The following VSIG1 variants were observed in gnomAD, a reference collection of about 807,000 sequenced individuals.
VSIG1 encodes V-set and immunoglobulin domain containing 1.
VSIG1 carries 11 observed loss-of-function variants against 20.1 expected under a neutral mutation model. The observed-to-expected ratio is 0.55, with a 90% CI of 0.34 to 0.91. The LOEUF (loss-of-function observed/expected upper bound fraction) is 0.91, where lower values mean the gene tolerates loss of function less well. VSIG1 is among the 40% of genes least tolerant of loss of function. VSIG1 has a pLI of 0.02. For synonymous variants in VSIG1, 126 were observed against 116.7 expected (o/e 1.08, Z -0.52); for missense variants, 283 against 298.8 (o/e 0.95, Z 0.39).
chrX:108,020,503 C>T, the VSIG1 span, among the ~76,000 whole-genome samples: 1 of 111,490 alleles, frequency 9.0e-6, no homozygotes, highest in African/African-American at 3.3e-5. Context: ...GGGTGTGAAT[C>T]ACTGGTTGCT....
Position 108,077,307 on chromosome X carries a change from C to T in VSIG1, c.1090C>T (p.Pro364Ser). 1 of 1,211,849 alleles carries T rather than the reference C, an allele frequency of 8.3e-7. No individual in the cohort carries two copies. The highest frequency in any genetic ancestry group is 3.0e-5 in the East Asian group (1 of 33,841). Residue 364 changes from proline (P) to serine (S), a missense_variant, in exon 7 of 7, where the codon CCA becomes TCA. Physicochemically the swap from Pro to Ser is moderately conservative, Grantham distance 74 (BLOSUM62 -1). Coordinates refer to ENST00000217957, the MANE Select transcript of VSIG1 (RefSeq NM_182607.5). ...TQSELEPEPEPEPESEPGVVV... is the reference protein window; with the variant it reads ...TQSELEPEPESEPESEPGVVV... ...GTCGGAATTGGAGCCAGAGCCAGAG[C>T]CAGAGCCAGAGTCAGAGCCTGGGGT...
upstream of VSIG1, among the ~76,000 whole-genome samples, chrX:108,044,675 A>G (rs780949526): frequency 1.8e-5 from 2 of 111,745 alleles, no homozygotes; most frequent in African/African-American, 6.5e-5. Context: ...GTACCAATTT[A>G]CTAACTTAAT....
chrX:108,071,727 C>A (rs746280610), intron 3 of VSIG1, among the ~76,000 whole-genome samples: 11 of 109,945 alleles, frequency 1.0e-4, no homozygotes, highest in Non-Finnish European at 1.9e-4. Flanking sequence ...GGTGCCTAGT[C>A]CCATGCCAGG....
intron 2 of VSIG1, among the ~76,000 whole-genome samples, chrX:108,064,249 C>T (rs767640252): frequency 8.9e-6 from 1 of 111,998 alleles, no homozygotes; most frequent in African/African-American, 3.2e-5. Flanking sequence ...TTACAGAGAA[C>T]TGTGAAGCCA....
chrX:108,050,409 G>C (rs1232234036), intron 1 of VSIG1, among the ~76,000 whole-genome samples: 1 of 111,821 alleles, frequency 8.9e-6, no homozygotes, highest in Non-Finnish European at 1.9e-5. Flanking sequence ...GGACAGCATA[G>C]AGAGCGTCTC....
At chrX:108,075,738 G>A (rs1046475897) in intron 5 of VSIG1, among the ~76,000 whole-genome samples, 3 of 111,611 alleles carry the variant, frequency 2.7e-5, no homozygotes, top group Middle Eastern at 4.2e-3. Flanking sequence ...TGTGCTCTGG[G>A]AAAGCCTAGT....
At chrX:108,024,407 GT>G in the VSIG1 span, among the ~76,000 whole-genome samples, 3 of 108,550 alleles carry the variant, frequency 2.8e-5, no homozygotes, top group South Asian at 4.0e-4. Flanking sequence ...TCATTTCACT[GT>G]TTTTTTTCTA....
At chrX:108,038,187 C>A in the VSIG1 span, among the ~76,000 whole-genome samples, 2 of 111,233 alleles carry the variant, frequency 1.8e-5, no homozygotes, top group Non-Finnish European at 3.8e-5. Flanking sequence ...CACCTATCAA[C>A]CAGTCATCTA....
chrX:108,075,072 A>G (rs1443415204), intron 5 of VSIG1, among the ~76,000 whole-genome samples: 2 of 112,080 alleles, frequency 1.8e-5, no homozygotes, highest in African/African-American at 6.5e-5. Context: ...TGTGAACAAT[A>G]TTTATATAGC....
Position 108,052,690 on chromosome X carries a change from G to T in VSIG1, c.50-5348G>T, listed in dbSNP as rs189985625. ...AGGTGATGGATATGTTAATTAGCTC[G>T]ATGTAATTATTCCACAGTGTATGCA... On this transcript the variant is annotated intron_variant, in intron 1 of 6. Coordinates refer to ENST00000217957, the MANE Select transcript of VSIG1 (RefSeq NM_182607.5). Among the ~76,000 whole-genome samples the T allele has an allele frequency of 2.7e-5, 3 of 111,516 alleles. No homozygotes were observed. The Admixed American group carries it at 2.9e-4, about 11-fold the overall frequency.
intron 1 of VSIG1, among the ~76,000 whole-genome samples, chrX:108,047,556 T>C (rs764817704): frequency 1.6e-3 from 178 of 109,597 alleles, no homozygotes; most frequent in Non-Finnish European, 3.0e-3. Flanking sequence ...AGTGATCATT[T>C]GATTATATTA....
the VSIG1 span, among the ~76,000 whole-genome samples, chrX:108,036,265 G>C: frequency 9.2e-6 from 1 of 108,483 alleles, no homozygotes; most frequent in Admixed American, 1.0e-4. Context: ...TATAGAAATA[G>C]AATGTGACTT....
chrX:108,059,409 C>T (rs760331678), intron 2 of VSIG1, among the ~76,000 whole-genome samples: 30 of 111,633 alleles, frequency 2.7e-4, no homozygotes, highest in Non-Finnish European at 5.3e-4. Flanking sequence ...ACTCTCTAGT[C>T]CAAGTTAAAC....
At chrX:108,065,295 G>A (rs1569291137) in intron 2 of VSIG1, among the ~76,000 whole-genome samples, 1 of 111,397 alleles carries the variant, frequency 9.0e-6, no homozygotes, top group East Asian at 2.8e-4. Context: ...CAAGGAATTA[G>A]GAAAATTGGA....
At chrX:108,025,043 G>T in the VSIG1 span, among the ~76,000 whole-genome samples, 6 of 111,019 alleles carry the variant, frequency 5.4e-5, no homozygotes, top group South Asian at 1.5e-3. Flanking sequence ...GTTGAATGTG[G>T]GATATTGATG....
At chrX:108,044,442 T>G (rs1224390484), upstream of VSIG1, among the ~76,000 whole-genome samples, 1 of 111,814 alleles carries the variant, frequency 8.9e-6, no homozygotes, top group Non-Finnish European at 1.9e-5. Context: ...CTAACTTGAT[T>G]TTGCAAAATT....
At chrX:108,032,078 C>A in the VSIG1 span, among the ~76,000 whole-genome samples, 2 of 111,767 alleles carry the variant, frequency 1.8e-5, no homozygotes, top group African/African-American at 6.5e-5. Context: ...CTTTTCCTGA[C>A]TAACATCTTC....
intron 3 of VSIG1, among the ~76,000 whole-genome samples, chrX:108,072,291 T>C (rs2031264818): frequency 1.8e-5 from 2 of 111,087 alleles, no homozygotes; most frequent in Admixed American, 9.6e-5. Context: ...CTCACTTTGT[T>C]GCTCAGGATG....
At chrX:108,035,306 G>A in the VSIG1 span, among the ~76,000 whole-genome samples, 4 of 110,358 alleles carry the variant, frequency 3.6e-5, no homozygotes, top group Non-Finnish European at 7.6e-5. Flanking sequence ...TCATCATGTT[G>A]GACAGGCTGG....
Sources: allele counts gnomAD v4.1 joint callset (sites outside exome capture counted in the v4.1 genomes callset), GRCh38; gene constraint gnomAD v4.1.1; transcripts MANE v1.5; gene names NCBI Gene and HGNC (gene_info 2026-07-23, HGNC 2026-07-21).